MFHAS1: variants seen among roughly 807,000 people sequenced by gnomAD.
The protein encoded by MFHAS1 is malignant fibrous histiocytoma-amplified sequence 1.
In MFHAS1, 50 loss-of-function variants were observed where a neutral mutation model predicts 70.4. The ratio of observed to expected loss-of-function variants is 0.71; its 90% CI spans 0.57 to 0.90. The LOEUF (loss-of-function observed/expected upper bound fraction) is 0.90, where lower values mean the gene tolerates loss of function less well. Among genes scored for constraint, MFHAS1 ranks in the 40% least tolerant of loss-of-function variants. The pLI is 0.00. For missense variants in MFHAS1, 1,795 were observed against 1,347.6 expected (o/e 1.33, Z -5.20); for synonymous variants, 952 against 620.0 (o/e 1.54, Z -7.96).
Position 8,797,494 on chromosome 8 carries a change from G to A in MFHAS1, c.2999-3C>T. ...TCTGGGCTGACTCAGCAACTCCCCTGTAGGAGGAGAGAGAAAAACGTGTTA... is the reference window on the plus strand; with the variant it reads ...TCTGGGCTGACTCAGCAACTCCCCTATAGGAGGAGAGAGAAAAACGTGTTA... On this transcript the variant is annotated splice_polypyrimidine_tract_variant and splice_region_variant and intron_variant, in intron 1 of 2. Coordinates refer to ENST00000276282, the MANE Select transcript of MFHAS1 (RefSeq NM_004225.3). The A allele has an allele frequency of 3.1e-6, 5 of 1,612,884 alleles. No homozygotes were observed. The highest frequency in any genetic ancestry group is 4.2e-6 in the Non-Finnish European group (5 of 1,179,118).
At chr8:8,788,920 C>T (rs1384085067) in intron 2 of MFHAS1, among the ~76,000 whole-genome samples, 1 of 152,144 alleles carries the variant, frequency 6.6e-6, no homozygotes, top group African/African-American at 2.4e-5. Context: ...GTGGCTGGGT[C>T]TGATTGTGCA....
intron 1 of MFHAS1, among the ~76,000 whole-genome samples, chr8:8,804,152 C>T (rs1284169981): frequency 1.3e-5 from 2 of 152,158 alleles, no homozygotes; most frequent in Admixed American, 6.5e-5. Flanking sequence ...CATAGGCTCA[C>T]TTGATAATTG....
rs1324673792 is a variant in MFHAS1 at position 8,892,780 on chromosome 8, G to A, written c.279C>T (p.Val93=). The A allele has an allele frequency of 8.2e-6, 13 of 1,585,058 alleles. No homozygotes were observed. The highest frequency in any genetic ancestry group is 6.9e-5 in the East Asian group (3 of 43,524). Residue 93 remains valine (V), a synonymous_variant, in exon 1 of 3, where the codon GTC becomes GTT. Coordinates refer to ENST00000276282, the MANE Select transcript of MFHAS1 (RefSeq NM_004225.3). This position sits in a 1 kb window ranked among gnomAD's most constrained non-coding sequence, Gnocchi z 4.7. ...GCCGGGCGAAGCGGTTCCTGCGCAG[G>A]ACCAGGACGCGCAGGCTGCCCAGCG... ...GSALGSLRVL[V]LRRNRFARLP...
chr8:8,880,904 C>A (rs141514627), intron 1 of MFHAS1, among the ~76,000 whole-genome samples: 1 of 152,072 alleles, frequency 6.6e-6, no homozygotes, highest in African/African-American at 2.4e-5. Flanking sequence ...AACCTGTTCT[C>A]GAACTCCTGA....
intron 1 of MFHAS1, among the ~76,000 whole-genome samples, chr8:8,826,535 C>A (rs1480188661): frequency 1.3e-5 from 2 of 152,150 alleles, no homozygotes; most frequent in African/African-American, 4.8e-5. Context: ...GAGTTCAAGA[C>A]CTGCCTGGCC....
intron 1 of MFHAS1, among the ~76,000 whole-genome samples, chr8:8,807,934 G>A (rs1205703470): frequency 6.6e-6 from 1 of 152,204 alleles, no homozygotes; most frequent in African/African-American, 2.4e-5. Flanking sequence ...TGTGGTTTTT[G>A]CTTCCAAAGG....
In MFHAS1 at chr8:8,828,886, G is replaced by A. The variant is rs574002209; in HGVS notation, c.2999-31395C>T. 1.9e-4 allele frequency among the ~76,000 whole-genome samples: 29 copies of A among 152,242 alleles called. No homozygotes were observed. The South Asian group carries it at 5.2e-3, about 27-fold the overall frequency. The stretch of plus-strand genomic sequence containing the variant: ...AGACTAGTGGCCGAGCTCTTATCCC[G>A]CCCCTAGCTCAGTCCTTCATGTCTT... On this transcript the variant is annotated intron_variant, in intron 1 of 2. Coordinates refer to ENST00000276282, the MANE Select transcript of MFHAS1 (RefSeq NM_004225.3).
intron 1 of MFHAS1, among the ~76,000 whole-genome samples, chr8:8,854,282 C>A (rs1808349866): frequency 6.6e-6 from 1 of 152,014 alleles, no homozygotes; most frequent in Non-Finnish European, 1.5e-5. Context: ...CCTGTAATCC[C>A]AGCACTTTGG....
chr8:8,817,943 T>G (rs571492379), intron 1 of MFHAS1, among the ~76,000 whole-genome samples: 1 of 152,296 alleles, frequency 6.6e-6, no homozygotes, highest in East Asian at 1.9e-4. Context: ...TGCAGCCCAG[T>G]TCCTAACAGC....
intron 1 of MFHAS1, among the ~76,000 whole-genome samples, chr8:8,806,331 T>G (rs1213915700): frequency 8.5e-5 from 13 of 152,314 alleles, no homozygotes; most frequent in Admixed American, 5.9e-4. Flanking sequence ...TGTGAGGCTC[T>G]ACCAGACACA....
chr8:8,800,384 C>T (rs939338825), intron 1 of MFHAS1, among the ~76,000 whole-genome samples: 1 of 152,194 alleles, frequency 6.6e-6, no homozygotes, highest in African/African-American at 2.4e-5. Context: ...ATGTTAAATG[C>T]TTATCAAAGT....
intron 1 of MFHAS1, among the ~76,000 whole-genome samples, chr8:8,803,418 G>A (rs890059498): frequency 1.3e-5 from 2 of 151,662 alleles, no homozygotes; most frequent in Admixed American, 6.6e-5. Flanking sequence ...CTGGGAGGCT[G>A]AGGCAGAAGA....
At chr8:8,790,183 T>C in intron 2 of MFHAS1, 1 of 157,024 alleles carries the variant, frequency 6.4e-6, no homozygotes. Flanking sequence ...AACTTGATTC[T>C]AGAGATGTAT....
intron 1 of MFHAS1, among the ~76,000 whole-genome samples, chr8:8,849,432 A>T (rs1808158680): frequency 6.6e-6 from 1 of 152,182 alleles, no homozygotes; most frequent in African/African-American, 2.4e-5. Flanking sequence ...TGCAGCAAGT[A>T]ATTTCAGTTC....
chr8:8,851,122 G>A (rs73525741), intron 1 of MFHAS1, among the ~76,000 whole-genome samples: 1 of 152,184 alleles, frequency 6.6e-6, no homozygotes, highest in Non-Finnish European at 1.5e-5. Context: ...ATGAATTACA[G>A]AAGATGAAAA....
chr8:8,801,026 C>T (rs1019491198), intron 1 of MFHAS1, among the ~76,000 whole-genome samples: 2 of 152,022 alleles, frequency 1.3e-5, no homozygotes, highest in Non-Finnish European at 2.9e-5. Flanking sequence ...CTATCCTGGC[C>T]AACATGGTAA....
Position 8,797,624 on chromosome 8 carries a change from A to C in MFHAS1, c.2999-133T>G, listed in dbSNP as rs1193494604. 4.9e-6 allele frequency: 5 copies of C among 1,030,476 alleles called. No homozygotes were observed. The East Asian group carries it at 1.3e-4, about 27-fold the overall frequency. 63.8% of individuals were successfully genotyped at this position (1,030,476 alleles called of 1,614,324 possible). On this transcript the variant is annotated intron_variant, in intron 1 of 2. Transcript: ENST00000276282. ...GTGAAGCAACGAAGGATGTGAGAAC[A>C]AATGTGCAACCAAGAACAGCAGAAC...
At chr8:8,874,251 T>A (rs1264812113) in intron 1 of MFHAS1, among the ~76,000 whole-genome samples, 2 of 151,940 alleles carry the variant, frequency 1.3e-5, no homozygotes, top group African/African-American at 2.4e-5. Flanking sequence ...GGATCAAAGG[T>A]CTGCCGGTAT....
chr8:8,892,600 C>G lies in MFHAS1; in HGVS notation c.459G>C (p.Gln153His). The change falls in exon 1 of 3, where the codon CAG becomes CAC. Residue 153 changes from glutamine (Q) to histidine (H), a missense_variant. By Grantham distance (24) the Gln-to-His change is conservative. Coordinates refer to ENST00000276282, the MANE Select transcript of MFHAS1 (RefSeq NM_004225.3). The surrounding 1 kb of genome is among the most constrained non-coding windows in gnomAD (Gnocchi z 4.7). ...SHNQLPALPAQLGALAHLEEL... is the reference protein window; with the variant it reads ...SHNQLPALPAHLGALAHLEEL... ...CCTCCAGGTGAGCGAGAGCGCCCAG[C>G]TGGGCGGGCAGGGCGGGCAGCTGGT... The G allele has an allele frequency of 6.2e-7, 1 of 1,609,138 alleles. No individual in the cohort carries two copies. Among genetic ancestry groups the G allele is most frequent in the Non-Finnish European group, 8.5e-7 (1 of 1,178,182 alleles).
Sources: gnomAD v4.1 joint callset for allele counts (sites outside exome capture counted in the v4.1 genomes callset) on GRCh38, gnomAD v4.1.1 for gene constraint, Gnocchi (gnomAD v3.1) non-coding constraint, MANE v1.5 for transcripts, NCBI Gene and HGNC (gene_info 2026-07-23, HGNC 2026-07-21) for gene names.